The following VCPIP1 variants were observed in gnomAD, a reference collection of about 807,000 sequenced individuals.
The protein encoded by VCPIP1 is valosin containing protein interacting protein 1.
A neutral mutation model predicts 85.0 loss-of-function variants in VCPIP1; 8 were observed. The observed-to-expected ratio is 0.09, with a 90% confidence interval of 0.06 to 0.17. The LOEUF is 0.17. VCPIP1 is among the 10% of genes least tolerant of loss of function. VCPIP1 has a pLI of 1.00. For missense variants in VCPIP1, 1,070 were observed against 1,486.3 expected (o/e 0.72, Z 4.61); for synonymous variants, 543 against 544.5 (o/e 1.00, Z 0.04).
intron 2 of VCPIP1, among the ~76,000 whole-genome samples, chr8:66,639,860 A>G (rs1162487447): frequency 6.6e-6 from 1 of 151,952 alleles, no homozygotes; most frequent in Non-Finnish European, 1.5e-5. Flanking sequence ...TGACCACAGG[A>G]TGATGATGAT....
At chr8:66,662,205 T>G (rs1388861134) in intron 1 of VCPIP1, among the ~76,000 whole-genome samples, 1 of 152,164 alleles carries the variant, frequency 6.6e-6, no homozygotes, top group Non-Finnish European at 1.5e-5. Context: ...ATCAGGAAGC[T>G]AAATAAGTGT....
chr8:66,650,634 C>T (rs781088996), intron 2 of VCPIP1, among the ~76,000 whole-genome samples: 16 of 152,036 alleles, frequency 1.1e-4, no homozygotes, highest in East Asian at 3.9e-4. Context: ...ATAAGATATA[C>T]GCTAAATATG....
rs764691679 is a variant in VCPIP1, at chr8:66,666,521, G to C, written c.438C>G (p.Ala146=). 1 of 1,614,060 alleles carries C rather than the reference G, an allele frequency of 6.2e-7. No individual in the cohort carries two copies. The highest frequency in any genetic ancestry group is 1.3e-5 in the African/African-American group (1 of 74,928). Residue 146 remains alanine, a synonymous_variant, in exon 1 of 3, where the codon GCC becomes GCG. Transcript: ENST00000310421. This position sits in a 1 kb window ranked among gnomAD's most constrained non-coding sequence, Gnocchi z 6.3. ...RYGMDKQTGR[A]KLLRDMNQGE... is the part of the protein sequence containing the mutation. Reference sequence around the variant, plus strand: ...CCTGGTTCATGTCCCGGAGAAGCTTGGCCCGGCCTGTCTGTTTGTCCATTC... The same window carrying C: ...CCTGGTTCATGTCCCGGAGAAGCTTCGCCCGGCCTGTCTGTTTGTCCATTC...
Position 66,665,320 on chromosome 8 carries a change from G to C in VCPIP1, c.1639C>G (p.Arg547Gly). 1 of 1,613,764 alleles carries C rather than the reference G, an allele frequency of 6.2e-7. No homozygotes were observed. Among genetic ancestry groups the C allele is most frequent in the Non-Finnish European group, 8.5e-7 (1 of 1,179,782 alleles). ...ACNWCHGTSV[R>G]KVRGDGSIVY... The stretch of plus-strand genomic sequence containing the variant: ...ATAGACCCATCTCCTCTGACCTTTC[G>C]CACAGATGTGCCATGGCACCAATTA... The change falls in exon 1 of 3, where the codon CGA becomes GGA. Residue 547 changes from arginine (R) to glycine (G), a missense_variant. By Grantham distance (125) the Arg-to-Gly change is moderately radical. Around this residue, in one of 8 missense-constraint regions of VCPIP1, gnomAD observed 123 missense variants for 156.3 expected, o/e 0.79. Transcript: ENST00000310421. This position sits in a 1 kb window ranked among gnomAD's most constrained non-coding sequence, Gnocchi z 4.3.
At chr8:66,639,321 C>CT (rs57563619) in intron 2 of VCPIP1, among the ~76,000 whole-genome samples, 55,440 of 67,680 alleles carry the variant, frequency 0.82, 24,987 homozygotes, top group East Asian at 0.91. Context: ...TAATTTTATT[C>CT]TTTTTTTTTT....
chr8:66,664,964 A>C lies in VCPIP1; in HGVS notation c.1995T>G (p.Pro665=), dbSNP rs111628284. 47 of 1,613,934 alleles carry C rather than the reference A, an allele frequency of 2.9e-5. No homozygotes were observed. In the African/African-American group the frequency reaches 3.7e-4, roughly 13 times the overall value. ...TAKKNPDDYT[P]VNIDGAHAQR... ...GGGCGTGAGCACCATCTATATTTACAGGAGTATAATCATCGGGATTCTTTT... is the reference window on the plus strand; with the variant it reads ...GGGCGTGAGCACCATCTATATTTACCGGAGTATAATCATCGGGATTCTTTT... The change falls in exon 1 of 3, where the codon CCT becomes CCG. Residue 665 remains proline (P), a synonymous_variant. Coordinates refer to ENST00000310421, the MANE Select transcript of VCPIP1 (RefSeq NM_025054.5).
chr8:66,630,371 A>G lies in VCPIP1; in HGVS notation c.*4130T>C, dbSNP rs1264326380. 1 of 152,592 alleles carries G rather than the reference A, an allele frequency of 6.6e-6. No homozygotes were observed. Among genetic ancestry groups the G allele is most frequent in the African/African-American group, 2.4e-5 (1 of 41,446 alleles). 9.5% of individuals were successfully genotyped at this position (152,592 alleles called of 1,614,324 possible). ...AATTCTAAGTATCATTTCCCTCCAA[A>G]AAGTAGACTTTCCAGTTCTTGGCAC... On this transcript the variant is annotated 3_prime_UTR_variant, in exon 3 of 3. Coordinates refer to ENST00000310421, the MANE Select transcript of VCPIP1 (RefSeq NM_025054.5).
At chr8:66,653,812 T>C (rs1386001470) in intron 1 of VCPIP1, among the ~76,000 whole-genome samples, 1 of 152,194 alleles carries the variant, frequency 6.6e-6, no homozygotes, top group Non-Finnish European at 1.5e-5. Context: ...CTCATGATAT[T>C]TGAATTACAC....
Position 66,628,908 on chromosome 8 carries a change from C to T in VCPIP1, c.*5593G>A, listed in dbSNP as rs975043753. 2 of 152,286 alleles carry T rather than the reference C, an allele frequency of 1.3e-5. No individual in the cohort carries two copies. Among genetic ancestry groups the T allele is most frequent in the East Asian group, 3.9e-4 (2 of 5,186 alleles). The allele number at this position is 152,286 out of a possible 1,614,324, so 9.4% of individuals were successfully genotyped here. On this transcript the variant is annotated 3_prime_UTR_variant, in exon 3 of 3. Coordinates refer to ENST00000310421, the MANE Select transcript of VCPIP1 (RefSeq NM_025054.5). ...AGGCCTTGAAAGGCTCCAAGACTTG[C>T]CTTGGGTCACAGAGCACACTGTCGG...
chr8:66,664,975 C>A lies in VCPIP1; in HGVS notation c.1984G>T (p.Asp662Tyr). ...CCATCTATATTTACAGGAGTATAAT[C>A]ATCGGGATTCTTTTTGGCAGTCTGA... ...LHQTAKKNPDDYTPVNIDGAH... is the reference protein window; with the variant it reads ...LHQTAKKNPDYYTPVNIDGAH... The change falls in exon 1 of 3, where the codon GAT becomes TAT. Residue 662 changes from aspartate (D) to tyrosine (Y), a missense_variant. Physicochemically the swap from Asp to Tyr is radical, Grantham distance 160 (BLOSUM62 -3). Transcript: ENST00000310421. The A allele has an allele frequency of 6.2e-7, 1 of 1,613,520 alleles. No homozygotes were observed. Among genetic ancestry groups the A allele is most frequent in the South Asian group, 1.1e-5 (1 of 91,052 alleles).
rs1182729637 is a variant in VCPIP1, at chr8:66,634,364, C to T, written c.*137G>A. ...CTATGGCCAATCACACACTTGCTATCATGCACTGAATAACAAGATATAATC... is the reference window on the plus strand; with the variant it reads ...CTATGGCCAATCACACACTTGCTATTATGCACTGAATAACAAGATATAATC... On this transcript the variant is annotated 3_prime_UTR_variant, in exon 3 of 3. Transcript: ENST00000310421. 13 of 1,033,430 alleles carry T rather than the reference C, an allele frequency of 1.3e-5. No individual in the cohort carries two copies. In the East Asian group the frequency reaches 3.1e-4, roughly 24 times the overall value. The allele number at this position is 1,033,430 out of a possible 1,614,324, so 64.0% of individuals were successfully genotyped here.
intron 1 of VCPIP1, among the ~76,000 whole-genome samples, chr8:66,652,773 A>G (rs1348624475): frequency 2.6e-5 from 4 of 152,234 alleles, no homozygotes; most frequent in African/African-American, 9.6e-5. Flanking sequence ...ACTGTTGAAG[A>G]AATCAATAAA....
intron 1 of VCPIP1, among the ~76,000 whole-genome samples, chr8:66,661,082 C>T (rs577333880): frequency 1.5e-4 from 23 of 152,034 alleles, no homozygotes; most frequent in Admixed American, 1.1e-3. Context: ...CAGTCATAAG[C>T]GAACTAGAGG....
rs757635618 is a variant in VCPIP1, at chr8:66,664,583, C to T, written c.2376G>A (p.Lys792=). ...GAAGTTCAAAAAAGGTTGTTGAAGA[C>T]TTAAGGGTAACCATGGACTGTCGTC... ...NDGRQSMVTL[K]SSTTFFELQE... is the part of the protein sequence containing the mutation. Residue 792 remains lysine, a synonymous_variant, in exon 1 of 3, where the codon AAG becomes AAA. Coordinates refer to ENST00000310421, the MANE Select transcript of VCPIP1 (RefSeq NM_025054.5). The T allele has an allele frequency of 9.3e-6, 15 of 1,613,992 alleles. No individual in the cohort carries two copies. The highest frequency in any genetic ancestry group is 1.3e-5 in the Non-Finnish European group (15 of 1,180,026).
chr8:66,659,793 G>A (rs887116363), intron 1 of VCPIP1, among the ~76,000 whole-genome samples: 1 of 152,030 alleles, frequency 6.6e-6, no homozygotes, highest in African/African-American at 2.4e-5. Flanking sequence ...TTAGCTGGGC[G>A]TGGTGGTGCG....
Position 66,666,055 on chromosome 8 carries a change from G to A in VCPIP1, c.904C>T (p.Pro302Ser). 1.2e-6 allele frequency: 2 copies of A among 1,614,124 alleles called. No homozygotes were observed. The highest frequency in any genetic ancestry group is 1.7e-6 in the Non-Finnish European group (2 of 1,180,030). ...IFGLANVLHR[P>S]IILLDSLSGM... ...CTGAGGGAATCTAACAGAATAATAG[G>A]ACGATGTAGCACATTGGCAAGACCA... Residue 302 changes from proline to serine, a missense_variant, in exon 1 of 3, where the codon CCT (proline) becomes TCT (serine). Pro to Ser is a moderately conservative substitution (Grantham distance 74). Transcript: ENST00000310421. This position sits in a 1 kb window ranked among gnomAD's most constrained non-coding sequence, Gnocchi z 6.3.
chr8:66,662,941 C>T (rs1169041376), intron 1 of VCPIP1, among the ~76,000 whole-genome samples: 1 of 151,844 alleles, frequency 6.6e-6, no homozygotes, highest in Admixed American at 6.6e-5. Context: ...CCCGTCTCTA[C>T]TAAAAATACA....
chr8:66,665,736 T>G lies in VCPIP1; in HGVS notation c.1223A>C (p.Lys408Thr), dbSNP rs1811201973. 1 of 1,614,038 alleles carries G rather than the reference T, an allele frequency of 6.2e-7. No homozygotes were observed. The highest frequency in any genetic ancestry group is 8.5e-7 in the Non-Finnish European group (1 of 1,180,034). Residue 408 changes from lysine (K) to threonine (T), a missense_variant, in exon 1 of 3, where the codon AAA becomes ACA. By Grantham distance (78) the Lys-to-Thr change is moderately conservative. Transcript: ENST00000310421. This position sits in a 1 kb window ranked among gnomAD's most constrained non-coding sequence, Gnocchi z 4.3. ...AGCAGCAACAAGCCTAAGTAAGTAT[T>G]TATCTTGCAAACTTCTGTCACCTCC... is the stretch of plus-strand genomic sequence containing the variant. ...VIGGDRSLQD[K>T]YLLRLVAAME...
chr8:66,650,140 T>C (rs1027652144), intron 2 of VCPIP1, among the ~76,000 whole-genome samples: 1 of 152,140 alleles, frequency 6.6e-6, no homozygotes, highest in Non-Finnish European at 1.5e-5. Context: ...AAAGGAAATA[T>C]GTACCAATGT....
Sources: allele counts gnomAD v4.1 joint callset (sites outside exome capture counted in the v4.1 genomes callset), GRCh38; gene constraint gnomAD v4.1.1; regional missense constraint gnomAD v4.1.1; non-coding constraint Gnocchi (gnomAD v3.1); transcripts MANE v1.5; gene names NCBI Gene and HGNC (gene_info 2026-07-23, HGNC 2026-07-21).